Variants in CCDC148 observed in about 807,000 individuals in gnomAD.
CCDC148 encodes coiled-coil domain-containing protein 148.
Under a neutral mutation model 85.7 loss-of-function variants are expected in CCDC148, and 89 were observed. The observed-to-expected ratio is 1.04, with a 90% confidence interval of 0.87 to 1.24. The LOEUF is 1.24. Among genes scored for constraint, CCDC148 ranks in the 50% most tolerant of loss-of-function variants. The pLI is 0.00. For missense variants in CCDC148, 692 were observed against 671.7 expected, an observed-to-expected ratio of 1.03 and a Z score of -0.33; for synonymous variants, 230 against 213.9, an observed-to-expected ratio of 1.08 and a Z score of -0.66.
intron 11 of CCDC148, among the ~76,000 whole-genome samples, chr2:158,205,257 TAA>T (rs1317248053): frequency 1.3e-5 from 2 of 151,174 alleles, no homozygotes; most frequent in African/African-American, 2.4e-5. Context: ...GAGTGGGGAG[TAA>T]GAGAGGGAAG....
intron 1 of CCDC148, among the ~76,000 whole-genome samples, chr2:158,435,227 G>A (rs150000053): frequency 0.013 from 2,000 of 152,270 alleles, 38 homozygotes; most frequent in Middle Eastern, 0.044. Flanking sequence ...CAGCCAGAGA[G>A]AAAGGTTGGG....
intron 7 of CCDC148, among the ~76,000 whole-genome samples, chr2:158,331,682 G>A (rs1352762501): frequency 6.6e-6 from 1 of 152,090 alleles, no homozygotes; most frequent in Non-Finnish European, 1.5e-5. Flanking sequence ...TTATGAATCT[G>A]GGTGCTCCTG....
chr2:158,382,611 T>C (rs891273009), intron 1 of CCDC148, among the ~76,000 whole-genome samples: 4 of 152,100 alleles, frequency 2.6e-5, no homozygotes, highest in African/African-American at 9.7e-5. Flanking sequence ...GTTAAGATAA[T>C]TTTAAAACCA....
intron 10 of CCDC148, among the ~76,000 whole-genome samples, chr2:158,237,987 G>T (rs774301013): frequency 2.4e-4 from 37 of 152,164 alleles, no homozygotes; most frequent in Non-Finnish European, 4.0e-4. Context: ...TGAAGACAAA[G>T]AATTGATCAT....
intron 1 of CCDC148, among the ~76,000 whole-genome samples, chr2:158,455,458 T>C (rs775372175): frequency 1.3e-5 from 2 of 152,266 alleles, no homozygotes; most frequent in South Asian, 2.1e-4. Context: ...TCTTCAATTA[T>C]AGTAAGATAA....
At position 158,456,663 on chromosome 2, in the gene CCDC148, C is replaced by T. The variant is rs1395974345; in HGVS notation, c.-224G>A. Reference sequence around the variant, plus strand: ...CTGGGGAATCTCCCTGTCCTCTCCGCCACCCCCTCCCGCGCCCGAGACCTG... The same window carrying T: ...CTGGGGAATCTCCCTGTCCTCTCCGTCACCCCCTCCCGCGCCCGAGACCTG... On this transcript the variant is annotated 5_prime_UTR_variant, in exon 1 of 14. An upstream open reading frame in the 5' UTR gains an earlier in-frame stop. Coordinates refer to ENST00000283233, the MANE Select transcript of CCDC148 (RefSeq NM_138803.4). 2.0e-5 allele frequency: 12 copies of T among 593,836 alleles called. No homozygotes were observed. The East Asian group carries it at 3.2e-4, about 16-fold the overall frequency. 36.8% of individuals were successfully genotyped at this position (593,836 alleles called of 1,614,324 possible).
intron 1 of CCDC148, among the ~76,000 whole-genome samples, chr2:158,416,915 A>G (rs940195966): frequency 1.3e-5 from 2 of 152,216 alleles, no homozygotes; most frequent in Non-Finnish European, 2.9e-5. Context: ...ATGGTTCTGC[A>G]GGCTGTACAG....
At chr2:158,440,931 C>G (rs1362637332) in intron 1 of CCDC148, among the ~76,000 whole-genome samples, 1 of 152,084 alleles carries the variant, frequency 6.6e-6, no homozygotes, top group East Asian at 1.9e-4. Flanking sequence ...CTGTAAGTAG[C>G]AGCTACTTGG....
intron 1 of CCDC148, among the ~76,000 whole-genome samples, chr2:158,368,609 A>G (rs997399366): frequency 2.0e-5 from 3 of 152,120 alleles, no homozygotes. Flanking sequence ...GATCTACTCA[A>G]TTATGGAAAA....
chr2:158,410,476 T>C (rs1360824225), intron 1 of CCDC148, among the ~76,000 whole-genome samples: 3 of 152,212 alleles, frequency 2.0e-5, no homozygotes, highest in African/African-American at 7.2e-5. Flanking sequence ...ATGATTTTTG[T>C]AGTAATTTGG....
chr2:158,266,736 C>G (rs1170807552), intron 9 of CCDC148, among the ~76,000 whole-genome samples: 1 of 152,024 alleles, frequency 6.6e-6, no homozygotes, highest in Non-Finnish European at 1.5e-5. Context: ...TTTTCCATTC[C>G]TGAGTTACCT....
At chr2:158,207,536 T>G (rs1043301729) in intron 11 of CCDC148, 1 of 152,176 alleles carries the variant, frequency 6.6e-6, no homozygotes. Context: ...AGGACAACAA[T>G]GGTTACATTG....
chr2:158,269,218 G>A (rs1310111723), intron 9 of CCDC148, among the ~76,000 whole-genome samples: 1 of 151,968 alleles, frequency 6.6e-6, no homozygotes, highest in Non-Finnish European at 1.5e-5. Context: ...ACATCTCACT[G>A]ACGCTCATTC....
chr2:158,447,417 C>A (rs1221077815), intron 1 of CCDC148: 2 of 152,256 alleles, frequency 1.3e-5, no homozygotes, highest in Non-Finnish European at 2.9e-5. Flanking sequence ...CCTGCCTCAG[C>A]CATCTGAGAA....
At chr2:158,198,125 CAGG>C (rs1449753657) in intron 11 of CCDC148, among the ~76,000 whole-genome samples, 1 of 152,092 alleles carries the variant, frequency 6.6e-6, no homozygotes, top group Non-Finnish European at 1.5e-5. Context: ...GGAGATTTGG[CAGG>C]AGGACATTTC....
chr2:158,360,994 C>T (rs1223320958), intron 1 of CCDC148, among the ~76,000 whole-genome samples: 1 of 151,650 alleles, frequency 6.6e-6, no homozygotes, highest in African/African-American at 2.4e-5. Context: ...CCTGATGGAG[C>T]TGAAAAACCC....
chr2:158,176,617 A>T lies in CCDC148; in HGVS notation c.1533T>A (p.Asp511Glu). The change falls in exon 13 of 14, where the codon GAT becomes GAA. Residue 511 changes from aspartate (D) to glutamate (E), a missense_variant. Coordinates refer to ENST00000283233, the MANE Select transcript of CCDC148 (RefSeq NM_138803.4). Reference sequence around the variant, plus strand: ...CCATTCTAGCTTTTGATGCCATTGTATCTGACATCATTCTAACAGGATCAA... The same window carrying T: ...CCATTCTAGCTTTTGATGCCATTGTTTCTGACATCATTCTAACAGGATCAA... ...AQFDPVRMMSDTMASKARMGI... is the reference protein window; with the variant it reads ...AQFDPVRMMSETMASKARMGI... 1 of 1,612,144 alleles carries T rather than the reference A, an allele frequency of 6.2e-7. No homozygotes were observed. Among genetic ancestry groups the T allele is most frequent in the Non-Finnish European group, 8.5e-7 (1 of 1,178,880 alleles).
At position 158,277,657 on chromosome 2, in the gene CCDC148, C is replaced by T. The variant is rs199822038; in HGVS notation, c.1111-26745G>A. ...TGTTGCCCAGGCTGGAGTGCAGTGGCGTGATCTCGCCTCACTGTAAGCTCC... is the reference window on the plus strand; with the variant it reads ...TGTTGCCCAGGCTGGAGTGCAGTGGTGTGATCTCGCCTCACTGTAAGCTCC... On this transcript the variant is annotated intron_variant, in intron 9 of 13. Coordinates refer to ENST00000283233, the MANE Select transcript of CCDC148 (RefSeq NM_138803.4). Among the ~76,000 whole-genome samples, 7 of 139,890 alleles carry T rather than the reference C, an allele frequency of 5.0e-5. 1 individual carries two copies. The Middle Eastern group carries it at 0.011, about 211-fold the overall frequency. The allele number at this position is 139,890 out of a possible 152,430, so 91.8% of individuals were successfully genotyped here.
intron 9 of CCDC148, among the ~76,000 whole-genome samples, chr2:158,259,340 A>T (rs944194666): frequency 1.3e-5 from 2 of 151,854 alleles, no homozygotes; most frequent in Non-Finnish European, 2.9e-5. Flanking sequence ...CTCGACTGTG[A>T]TCTCCATGAG....
Sources: gnomAD v4.1 joint callset for allele counts (sites outside exome capture counted in the v4.1 genomes callset) on GRCh38, gnomAD v4.1.1 for gene constraint, MANE v1.5 for transcripts, NCBI Gene and HGNC (gene_info 2026-07-23, HGNC 2026-07-21) for gene names.